Variants in FAM114A1 observed in about 807,000 individuals in gnomAD.
The protein encoded by FAM114A1 is protein NOXP20.
In FAM114A1, 62 loss-of-function variants were observed where a neutral mutation model predicts 64.3. The observed-to-expected ratio is 0.96, with a 90% confidence interval of 0.79 to 1.19. FAM114A1 has a LOEUF of 1.19. Among genes scored for constraint, FAM114A1 ranks in the 50% most tolerant of loss-of-function variants. FAM114A1 has a pLI of 0.00. For synonymous variants in FAM114A1, 254 were observed against 251.1 expected, an observed-to-expected ratio of 1.01 and a Z score of -0.11; for missense variants, 645 against 676.3, an observed-to-expected ratio of 0.95 and a Z score of 0.51.
chr4:38,888,440 T>C (rs1716024997), intron 3 of FAM114A1, among the ~76,000 whole-genome samples: 1 of 152,112 alleles, frequency 6.6e-6, no homozygotes. Context: ...GGAAGATCAC[T>C]TAAGCCCAGG....
chr4:38,943,422 A>T, intron 14 of FAM114A1, 34 bp from the exon 15 acceptor site: 1 of 1,567,508 alleles, frequency 6.4e-7, no homozygotes, highest in South Asian at 1.1e-5. Context: ...AACTATGAAA[A>T]TAACCCTTCA....
At chr4:38,878,672 G>C (rs1165796510) in intron 3 of FAM114A1, among the ~76,000 whole-genome samples, 1 of 152,158 alleles carries the variant, frequency 6.6e-6, no homozygotes, top group African/African-American at 2.4e-5. Context: ...CCGTGTGCCA[G>C]GCACTCTGCT....
intron 5 of FAM114A1, 44 bp downstream of exon 5, chr4:38,905,679 C>A: frequency 6.2e-7 from 1 of 1,607,142 alleles, no homozygotes; most frequent in Non-Finnish European, 8.5e-7. Context: ...CTTTATTACA[C>A]CATGTGCATA....
At chr4:38,871,732 AAG>A (rs1278695642) in intron 2 of FAM114A1, among the ~76,000 whole-genome samples, 1 of 152,232 alleles carries the variant, frequency 6.6e-6, no homozygotes, top group Non-Finnish European at 1.5e-5. Context: ...CTTCCCTACC[AAG>A]AGTTAAATTA....
intron 9 of FAM114A1, among the ~76,000 whole-genome samples, chr4:38,924,136 A>T (rs1719889235): frequency 6.6e-6 from 1 of 151,340 alleles, no homozygotes; most frequent in Non-Finnish European, 1.5e-5. Context: ...GAAATGCAGT[A>T]TCTTCACTTG....
At chr4:38,925,262 T>C (rs934780169) in intron 9 of FAM114A1, among the ~76,000 whole-genome samples, 23 of 152,258 alleles carry the variant, frequency 1.5e-4, no homozygotes, top group African/African-American at 4.1e-4. Context: ...ACACTGTTAA[T>C]GTTAATTAAC....
intron 4 of FAM114A1, among the ~76,000 whole-genome samples, chr4:38,892,324 A>G (rs190615920): frequency 1.3e-5 from 2 of 152,242 alleles, no homozygotes; most frequent in African/African-American, 2.4e-5. Flanking sequence ...GGGAGGATAC[A>G]TATTTTATAC....
intron 9 of FAM114A1, among the ~76,000 whole-genome samples, chr4:38,927,202 A>C (rs1411671667): frequency 6.6e-6 from 1 of 152,150 alleles, no homozygotes; most frequent in Non-Finnish European, 1.5e-5. Context: ...TCACCTTCTT[A>C]GTTAGCTTCC....
intron 13 of FAM114A1, among the ~76,000 whole-genome samples, chr4:38,937,647 T>G (rs1031900222): frequency 1.3e-5 from 2 of 152,166 alleles, no homozygotes; most frequent in Admixed American, 6.5e-5. Flanking sequence ...AGAAACACAT[T>G]CTAAAAAATT....
chr4:38,935,680 T>C (rs758493687), intron 12 of FAM114A1, 38 bp from the exon 13 acceptor site: 2 of 1,457,148 alleles, frequency 1.4e-6, no homozygotes, highest in African/African-American at 1.4e-5. Flanking sequence ...TTTTACCTTA[T>C]TGAAAACATC....
intron 4 of FAM114A1, among the ~76,000 whole-genome samples, chr4:38,899,138 G>A (rs1195817077): frequency 6.6e-6 from 1 of 151,950 alleles, no homozygotes; most frequent in Non-Finnish European, 1.5e-5. Flanking sequence ...GCAGAGGGAT[G>A]AGTCAGAAAT....
chr4:38,932,647 C>T (rs1198940691), intron 12 of FAM114A1, among the ~76,000 whole-genome samples: 1 of 152,026 alleles, frequency 6.6e-6, no homozygotes, highest in African/African-American at 2.4e-5. Flanking sequence ...CAGGTGCGTG[C>T]CACCACATCC....
chr4:38,938,283 T>C (rs1721276328), intron 13 of FAM114A1, among the ~76,000 whole-genome samples: 1 of 152,158 alleles, frequency 6.6e-6, no homozygotes, highest in Admixed American at 6.5e-5. Context: ...AGAGCATTTC[T>C]AAAAAGATGA....
rs1052415784 is a variant in FAM114A1 at position 38,943,674 on chromosome 4, A to C, written c.*117A>C. 1.0e-5 allele frequency: 8 copies of C among 765,862 alleles called. No individual in the cohort carries two copies. In the African/African-American group the frequency reaches 1.2e-4, roughly 11 times the overall value. The allele number at this position is 765,862 out of a possible 1,614,324, so 47.4% of individuals were successfully genotyped here. On this transcript the variant is annotated 3_prime_UTR_variant, in exon 15 of 15. Transcript: ENST00000358869. ...CAGACATCCATTTGAGGACACTACA[A>C]GCAATTTTGCACAGACAATATTGAG...
At chr4:38,870,318 C>T (rs1379977901) in intron 2 of FAM114A1, among the ~76,000 whole-genome samples, 1 of 152,218 alleles carries the variant, frequency 6.6e-6, no homozygotes, top group Non-Finnish European at 1.5e-5. Context: ...TTTCAAGATT[C>T]TCCCTTGCAC....
chr4:38,896,387 C>A (rs1288571930), intron 4 of FAM114A1, among the ~76,000 whole-genome samples: 1 of 152,172 alleles, frequency 6.6e-6, no homozygotes, highest in Non-Finnish European at 1.5e-5. Flanking sequence ...GTAGTTAAAA[C>A]AAAAGCAATG....
At chr4:38,932,128 T>G in intron 11 of FAM114A1, 107 bp from the exon 12 acceptor site, 1 of 1,234,364 alleles carries the variant, frequency 8.1e-7, no homozygotes, top group Non-Finnish European at 1.1e-6. Flanking sequence ...TTTCGGGTTA[T>G]ATTTGGGGTA....
intron 2 of FAM114A1, among the ~76,000 whole-genome samples, chr4:38,870,092 G>A (rs942002034): frequency 1.3e-5 from 2 of 152,106 alleles, no homozygotes; most frequent in African/African-American, 2.4e-5. Flanking sequence ...GCCCACAAAG[G>A]GATACTGGGA....
chr4:38,890,363 A>G (rs1045657443), intron 3 of FAM114A1, among the ~76,000 whole-genome samples: 4 of 149,118 alleles, frequency 2.7e-5, no homozygotes, highest in Non-Finnish European at 4.4e-5. Context: ...AGATCGCACC[A>G]CTGCACTCCA....
Sources: gnomAD v4.1 joint callset for allele counts (sites outside exome capture counted in the v4.1 genomes callset) on GRCh38, gnomAD v4.1.1 for gene constraint, MANE v1.5 for transcripts, NCBI Gene and HGNC (gene_info 2026-07-23, HGNC 2026-07-21) for gene names.